The following PTPRF variants were observed in gnomAD, a reference collection of about 807,000 sequenced individuals.
PTPRF encodes the protein protein tyrosine phosphatase receptor type F.
PTPRF carries 59 observed loss-of-function variants against 201.8 expected under a neutral mutation model. The observed-to-expected ratio is 0.29, with a 90% CI of 0.24 to 0.36. The LOEUF is 0.36. PTPRF is among the 10% of genes least tolerant of loss of function. The pLI, the probability that PTPRF is intolerant of heterozygous loss-of-function variation, is 1.00. For missense variants in PTPRF, 2,132 were observed against 2,690.5 expected (o/e 0.79, Z 4.59); for synonymous variants, 1,088 against 1,089.7 (o/e 1.00, Z 0.03).
intron 5 of PTPRF, among the ~76,000 whole-genome samples, chr1:43,555,476 A>G (rs1645304177): frequency 8.0e-6 from 1 of 125,298 alleles, no homozygotes; most frequent in South Asian, 2.4e-4. Flanking sequence ...GACGGAGTCT[A>G]GCTCTGTCAC....
chr1:43,524,982 A>T (rs570638900), upstream of PTPRF, among the ~76,000 whole-genome samples: 5 of 152,294 alleles, frequency 3.3e-5, no homozygotes, highest in South Asian at 1.0e-3. Context: ...TGACCTGTGG[A>T]GTCATGTGGT....
intron 11 of PTPRF, among the ~76,000 whole-genome samples, chr1:43,593,145 C>T (rs1031734517): frequency 2.6e-5 from 4 of 152,192 alleles, no homozygotes; most frequent in African/African-American, 9.7e-5. Context: ...CCACGTGTGC[C>T]TTGAATTGTG....
At chr1:43,530,725 C>G (rs1043830439), upstream of PTPRF, among the ~76,000 whole-genome samples, 5 of 152,226 alleles carry the variant, frequency 3.3e-5, no homozygotes, top group Middle Eastern at 6.8e-3. This position sits in a 1 kb window ranked among gnomAD's most constrained non-coding sequence, Gnocchi z 4.1. Flanking sequence ...TCGGTTTCGA[C>G]TTGGCGTTGG....
intron 8 of PTPRF, among the ~76,000 whole-genome samples, chr1:43,589,474 G>A (rs1650045297): frequency 6.6e-6 from 1 of 151,862 alleles, no homozygotes; most frequent in African/African-American, 2.4e-5. Context: ...CAGCAAGAAG[G>A]GTGTGGTAAA....
At position 43,602,750 on chromosome 1, in the gene PTPRF, G is replaced by A. The variant is rs115337103; in HGVS notation, c.2340+653G>A. Among the ~76,000 whole-genome samples the A allele has an allele frequency of 4.2e-3, 633 of 152,332 alleles. 8 individuals are homozygous for A. Among genetic ancestry groups the A allele is most frequent in the African/African-American group, 0.015 (616 of 41,572 alleles). ...GGTATATGGGCAGGGTCTGCCAAGC[G>A]GGGAGGACATTGCCCTGGCTGCTGT... On this transcript the variant is annotated intron_variant, in intron 14 of 33. Coordinates refer to ENST00000359947, the MANE Select transcript of PTPRF (RefSeq NM_002840.5).
At chr1:43,594,934 G>T (rs1046814904) in intron 11 of PTPRF, among the ~76,000 whole-genome samples, 3 of 152,190 alleles carry the variant, frequency 2.0e-5, no homozygotes, top group Admixed American at 6.5e-5. Context: ...CGACTTGGAG[G>T]TTGGAAGGAG....
rs200014267 is a variant in PTPRF, at chr1:43,588,789, C to A, written c.738C>A (p.Gly246=). ...IPPSSQEVMP[G]GSVNLTCVAV... ...CCAGCAGCCAGGAGGTGATGCCAGG[C>A]GGCAGCGTGAACCTGACATGCGTGG... The change falls in exon 8 of 34, where the codon GGC becomes GGA. Residue 246 remains glycine, a synonymous_variant. Transcript: ENST00000359947. The surrounding 1 kb of genome is among the most constrained non-coding windows in gnomAD (Gnocchi z 5.3). 1 of 1,613,940 alleles carries A rather than the reference C, an allele frequency of 6.2e-7. No homozygotes were observed. The highest frequency in any genetic ancestry group is 8.5e-7 in the Non-Finnish European group (1 of 1,180,014).
At chr1:43,621,024 G>A in intron 32 of PTPRF, 32 bp downstream of exon 32, 1 of 1,610,374 alleles carries the variant, frequency 6.2e-7, no homozygotes, top group East Asian at 2.2e-5. Flanking sequence ...GCTGGGGTGG[G>A]TGGGCCTGAA....
In PTPRF at chr1:43,537,993, G is replaced by T. The variant is rs1168553038; in HGVS notation, c.-125-205G>T. Among the ~76,000 whole-genome samples the T allele has an allele frequency of 6.6e-6, 1 of 152,168 alleles. No individual in the cohort carries two copies. Among genetic ancestry groups the T allele is most frequent in the East Asian group, 1.9e-4 (1 of 5,192 alleles). The stretch of plus-strand genomic sequence containing the variant: ...GAAGGACGCCCAGCACATAGTAGGT[G>T]CTTAGGGAGTATCAAAATGAATGAG... On this transcript the variant is annotated intron_variant, in intron 1 of 33. Transcript: ENST00000359947. The surrounding 1 kb of genome is among the most constrained non-coding windows in gnomAD (Gnocchi z 4.8).
At chr1:43,598,634 G>C in intron 12 of PTPRF, 86 bp from the exon 13 acceptor site, 1 of 1,282,850 alleles carries the variant, frequency 7.8e-7, no homozygotes, top group East Asian at 2.3e-5. Flanking sequence ...GTGGGGTGCT[G>C]AGGCAGGACC....
intron 5 of PTPRF, among the ~76,000 whole-genome samples, chr1:43,561,617 G>A (rs947740285): frequency 6.6e-6 from 1 of 152,078 alleles, no homozygotes; most frequent in Non-Finnish European, 1.5e-5. Context: ...GGCATGACCT[G>A]TATACCCCTG....
intron 7 of PTPRF, among the ~76,000 whole-genome samples, chr1:43,583,568 G>A (rs1648312290): frequency 6.6e-6 from 1 of 152,162 alleles, no homozygotes; most frequent in Admixed American, 6.5e-5. Flanking sequence ...ACATTAAGGC[G>A]AGAGGCTAGA....
In PTPRF at chr1:43,582,121, C is replaced by G. The variant is rs138290075; in HGVS notation, c.679+3201C>G. ...CTTGGCTTCGGTGTCTACCTCACAT[C>G]TCCCTTCTGTCCCCCAAATTCTCAG... is the stretch of plus-strand genomic sequence containing the variant. On this transcript the variant is annotated intron_variant, in intron 7 of 33. Transcript: ENST00000359947. 6.7e-3 allele frequency among the ~76,000 whole-genome samples: 1,015 copies of G among 152,368 alleles called. 2 individuals carry two copies. Among genetic ancestry groups the G allele is most frequent in the Non-Finnish European group, 0.011 (721 of 68,034 alleles).
At chr1:43,543,326 G>A (rs1644466549) in intron 2 of PTPRF, among the ~76,000 whole-genome samples, 1 of 152,232 alleles carries the variant, frequency 6.6e-6, no homozygotes, top group Non-Finnish European at 1.5e-5. Context: ...GGCCTTGCAG[G>A]CGTCATTGTG....
chr1:43,606,177 C>T (rs1655050961), intron 19 of PTPRF, 63 bp from the exon 20 acceptor site: 4 of 1,530,614 alleles, frequency 2.6e-6, no homozygotes, highest in Non-Finnish European at 3.5e-6. Context: ...TCCCAGGCCA[C>T]AGCCTCAGGG....
intron 22 of PTPRF, chr1:43,612,618 C>T (rs1218259884): frequency 1.9e-5 from 10 of 525,758 alleles, no homozygotes; most frequent in Non-Finnish European, 2.9e-5. Context: ...CCCAGCCCCT[C>T]ACCGCCCCCT....
In PTPRF at chr1:43,619,284, G is replaced by A. The variant is rs755209204; in HGVS notation, c.4647-4G>A. Reference sequence around the variant, plus strand: ...GTGCCTCAAGCTGAGCCCGTGTCCTGCAGCGCGGGCGTGGGCCGCACCGGC... The same window carrying A: ...GTGCCTCAAGCTGAGCCCGTGTCCTACAGCGCGGGCGTGGGCCGCACCGGC... On this transcript the variant is annotated splice_region_variant and splice_polypyrimidine_tract_variant and intron_variant, in intron 27 of 33. Coordinates refer to ENST00000359947, the MANE Select transcript of PTPRF (RefSeq NM_002840.5). 1.2e-6 allele frequency: 2 copies of A among 1,612,694 alleles called. No individual in the cohort carries two copies. The highest frequency in any genetic ancestry group is 1.7e-5 in the Admixed American group (1 of 59,984).
intron 1 of PTPRF, among the ~76,000 whole-genome samples, chr1:43,535,733 C>T (rs552578873): frequency 1.3e-5 from 2 of 152,164 alleles, no homozygotes; most frequent in Non-Finnish European, 2.9e-5. Flanking sequence ...TGGACTTCAC[C>T]CCTTCTGAGG....
chr1:43,555,309 C>CTT (rs1557699168), intron 5 of PTPRF, among the ~76,000 whole-genome samples: 2 of 131,054 alleles, frequency 1.5e-5, no homozygotes, highest in African/African-American at 6.8e-5. Context: ...TCTGTGCATA[C>CTT]ATATATATGT....
Sources: allele counts gnomAD v4.1 joint callset (sites outside exome capture counted in the v4.1 genomes callset), GRCh38; gene constraint gnomAD v4.1.1; non-coding constraint Gnocchi (gnomAD v3.1); transcripts MANE v1.5; gene names NCBI Gene and HGNC (gene_info 2026-07-23, HGNC 2026-07-21).